Variants in SLC25A24 observed in about 807,000 individuals in gnomAD.
SLC25A24 encodes solute carrier family 25 member 24.
SLC25A24 carries 49 observed loss-of-function variants against 60.7 expected under a neutral mutation model. That is an observed-to-expected ratio of 0.81 (90% CI 0.64 to 1.02). SLC25A24 has a LOEUF of 1.02. SLC25A24 is among the 50% of genes least tolerant of loss of function. The pLI is 0.00. For synonymous variants in SLC25A24, 202 were observed against 200.6 expected (o/e 1.01, Z -0.06); for missense variants, 564 against 586.3 (o/e 0.96, Z 0.39).
chr1:108,192,691 G>T, intron 1 of SLC25A24: 1 of 1,453,876 alleles, frequency 6.9e-7, no homozygotes. Flanking sequence ...ACCGACGAAC[G>T]GGATCTCTGC....
chr1:108,174,778 G>A (rs1267087751), intron 3 of SLC25A24, among the ~76,000 whole-genome samples: 2 of 152,236 alleles, frequency 1.3e-5, no homozygotes, highest in African/African-American at 4.8e-5. Context: ...TGAACTGGAT[G>A]TGTGATGTGG....
chr1:108,163,507 T>G (rs1680150515), intron 3 of SLC25A24, among the ~76,000 whole-genome samples: 1 of 151,678 alleles, frequency 6.6e-6, no homozygotes, highest in African/African-American at 2.4e-5. Context: ...AAGAGGTCCT[T>G]CACATCCCTT....
At chr1:108,158,781 T>A (rs1306704391) in intron 4 of SLC25A24, among the ~76,000 whole-genome samples, 1 of 150,372 alleles carries the variant, frequency 6.7e-6, no homozygotes, top group Non-Finnish European at 1.5e-5. Flanking sequence ...GCGGGCGGAT[T>A]ACAAGGTCAG....
intron 8 of SLC25A24, among the ~76,000 whole-genome samples, chr1:108,143,118 T>C (rs1305638835): frequency 6.6e-6 from 1 of 152,196 alleles, no homozygotes; most frequent in African/African-American, 2.4e-5. Context: ...TGCTCAATAA[T>C]TGTTTGTGAG....
chr1:108,173,731 T>G (rs1223565808), intron 3 of SLC25A24, among the ~76,000 whole-genome samples: 2 of 152,142 alleles, frequency 1.3e-5, no homozygotes, highest in African/African-American at 4.8e-5. Context: ...TGGGAAAGTT[T>G]GTAAGTTCCC....
At chr1:108,161,093 G>A (rs1461940150) in intron 4 of SLC25A24, 89 bp downstream of exon 4, 1 of 683,274 alleles carries the variant, frequency 1.5e-6, no homozygotes, top group South Asian at 1.9e-5. Context: ...AGGTATCCTG[G>A]CCCATAAGTG....
chr1:108,151,402 T>C (rs554886557), intron 6 of SLC25A24, among the ~76,000 whole-genome samples: 2 of 152,290 alleles, frequency 1.3e-5, no homozygotes, highest in South Asian at 4.1e-4. Context: ...TGGTTTCTCA[T>C]TTCATTACTT....
chr1:108,170,914 C>A (rs1647438588), intron 3 of SLC25A24, among the ~76,000 whole-genome samples: 1 of 151,970 alleles, frequency 6.6e-6, no homozygotes, highest in Non-Finnish European at 1.5e-5. Flanking sequence ...CCTCAAACCC[C>A]CAGGGAAACA....
chr1:108,136,891 G>A, intron 9 of SLC25A24, 54 bp from the exon 10 acceptor site: 1 of 1,477,306 alleles, frequency 6.8e-7, no homozygotes, highest in Admixed American at 1.8e-5. Context: ...TCATTATTAT[G>A]ACAACAAACA....
chr1:108,145,447 T>C (rs1181328950), intron 7 of SLC25A24, among the ~76,000 whole-genome samples: 1 of 152,348 alleles, frequency 6.6e-6, no homozygotes, highest in East Asian at 1.9e-4. Flanking sequence ...TTGGCTTTTG[T>C]TGCCATTGCT....
chr1:108,157,059 C>T (rs776469174), intron 5 of SLC25A24, among the ~76,000 whole-genome samples: 1 of 152,214 alleles, frequency 6.6e-6, no homozygotes, highest in African/African-American at 2.4e-5. Context: ...TCTTTTTCTG[C>T]TAACCTCAGC....
chr1:108,136,612 T>A lies in SLC25A24; in HGVS notation c.*41A>T, dbSNP rs41278468. The A allele has an allele frequency of 6.5e-7, 1 of 1,545,624 alleles. No homozygotes were observed. Among genetic ancestry groups the A allele is most frequent in the Admixed American group, 1.7e-5 (1 of 57,700 alleles). On this transcript the variant is annotated 3_prime_UTR_variant, in exon 10 of 10. Coordinates refer to ENST00000565488, the MANE Select transcript of SLC25A24 (RefSeq NM_013386.5). Reference sequence around the variant, plus strand: ...GGAGAAAAAGTCACTCCAGAGATTGTTGAAAGTTTCAATTATCAGGCTAAA... The same window carrying A: ...GGAGAAAAAGTCACTCCAGAGATTGATGAAAGTTTCAATTATCAGGCTAAA...
intron 1 of SLC25A24, chr1:108,198,548 A>G (rs980205092): frequency 6.6e-6 from 1 of 152,242 alleles, no homozygotes; most frequent in Admixed American, 6.5e-5. Context: ...AGGTGATTTA[A>G]AAAGAATTGG....
intron 2 of SLC25A24, among the ~76,000 whole-genome samples, chr1:108,185,153 T>G (rs2101640611): frequency 6.6e-6 from 1 of 152,306 alleles, no homozygotes; most frequent in African/African-American, 2.4e-5. Context: ...CAGATTCGGC[T>G]CAACTTTGAA....
rs567636329 is a variant in SLC25A24, at chr1:108,200,325, C to G, written c.-187G>C. 2.0e-3 allele frequency: 728 copies of G among 370,532 alleles called. 5 individuals carry two copies. Among genetic ancestry groups the G allele is most frequent in the African/African-American group, 0.014 (662 of 46,412 alleles). 23.0% of individuals were successfully genotyped at this position (370,532 alleles called of 1,614,324 possible). Reference sequence around the variant, plus strand: ...CAGGAGCGGAGACCCCACCCGAGCCCGCGCGGAGCGCAGGGTGTGGCCGTC... The same window carrying G: ...CAGGAGCGGAGACCCCACCCGAGCCGGCGCGGAGCGCAGGGTGTGGCCGTC... On this transcript the variant is annotated 5_prime_UTR_variant, in exon 1 of 10. Transcript: ENST00000565488.
rs1250912158 is a variant in SLC25A24, at chr1:108,190,783, C to A, written c.184-4829G>T. Among the ~76,000 whole-genome samples the A allele has an allele frequency of 3.1e-5, 3 of 96,640 alleles. 1 individual carries two copies. Among genetic ancestry groups the A allele is most frequent in the Non-Finnish European group, 7.1e-5 (3 of 42,398 alleles). 63.4% of individuals were successfully genotyped at this position (96,640 alleles called of 152,430 possible). ...AGACGTGTGGGAAGAGACCTCACAT[C>A]AAAACCTCCTAACGATGTGACTGCC... On this transcript the variant is annotated intron_variant, in intron 1 of 9. Transcript: ENST00000565488.
chr1:108,143,806 C>T (rs1161620692), intron 7 of SLC25A24, 96 bp from the exon 8 acceptor site: 3 of 878,748 alleles, frequency 3.4e-6, no homozygotes, highest in Non-Finnish European at 5.3e-6. Flanking sequence ...ATACCTAGCA[C>T]ATATTGTCAC....
intron 4 of SLC25A24, among the ~76,000 whole-genome samples, chr1:108,160,590 A>T (rs1221753039): frequency 2.6e-5 from 4 of 152,180 alleles, no homozygotes; most frequent in Non-Finnish European, 5.9e-5. Flanking sequence ...TTGGGAGGCC[A>T]AGGCAGGCGG....
chr1:108,144,078 T>A (rs949292648), intron 7 of SLC25A24, among the ~76,000 whole-genome samples: 1 of 151,890 alleles, frequency 6.6e-6, no homozygotes, highest in Non-Finnish European at 1.5e-5. Flanking sequence ...CAGTGGGGAG[T>A]TGGGAAGGTG....
Sources: gnomAD v4.1 joint callset for allele counts (sites outside exome capture counted in the v4.1 genomes callset) on GRCh38, gnomAD v4.1.1 for gene constraint, MANE v1.5 for transcripts, NCBI Gene and HGNC (gene_info 2026-07-23, HGNC 2026-07-21) for gene names.